The following RBFOX3 variants were observed in gnomAD, a reference collection of about 807,000 sequenced individuals.
RBFOX3 encodes the protein RNA binding protein fox-1 homolog 3.
RBFOX3 carries 17 observed loss-of-function variants against 48.7 expected under a neutral mutation model. The ratio of observed to expected loss-of-function variants is 0.35; its 90% CI spans 0.24 to 0.52. RBFOX3 has a LOEUF of 0.52. Among genes scored for constraint, RBFOX3 ranks in the 20% least tolerant of loss-of-function variants. The probability of loss-of-function intolerance (pLI) is 0.94; values close to 1 mark genes in which losing one functional copy is unlikely to be tolerated. For synonymous variants in RBFOX3, 212 were observed against 209.5 expected (o/e 1.01, Z -0.10); for missense variants, 382 against 497.5 (o/e 0.77, Z 2.21).
chr17:79,342,972 GAA>G (rs1291044780), intron 2 of RBFOX3, among the ~76,000 whole-genome samples: 3 of 148,434 alleles, frequency 2.0e-5, no homozygotes, highest in African/African-American at 4.9e-5. Context: ...AAGAGAAAGA[GAA>G]AGAGCGAGAG....
Position 79,213,450 on chromosome 17 carries a change from C to A in RBFOX3, c.-34+22316G>T, listed in dbSNP as rs149739955. On this transcript the variant is annotated intron_variant, in intron 4 of 14. Coordinates refer to ENST00000693108, the MANE Select transcript of RBFOX3 (RefSeq NM_001350451.2). ...TGCTACCAGGACCTAAATCCAGCAACAGCCAGACGGGGGAGGGTGAGATGA... is the reference window on the plus strand; with the variant it reads ...TGCTACCAGGACCTAAATCCAGCAAAAGCCAGACGGGGGAGGGTGAGATGA... 7.5e-3 allele frequency among the ~76,000 whole-genome samples: 1,149 copies of A among 152,364 alleles called. 18 individuals are homozygous for A. Among genetic ancestry groups the A allele is most frequent in the African/African-American group, 0.026 (1,099 of 41,588 alleles).
intron 1 of RBFOX3, among the ~76,000 whole-genome samples, chr17:79,579,965 A>T (rs1251308427): frequency 6.7e-6 from 1 of 149,606 alleles, no homozygotes; most frequent in Non-Finnish European, 1.5e-5. Flanking sequence ...TTGGGGAGTC[A>T]CTGGGTCGGG....
intron 1 of RBFOX3, among the ~76,000 whole-genome samples, chr17:79,580,974 G>A (rs1407596645): frequency 2.0e-5 from 3 of 152,128 alleles, no homozygotes; most frequent in African/African-American, 7.2e-5. Flanking sequence ...GCGGCCAGGT[G>A]CGGTAGCTCA....
the RBFOX3 span, among the ~76,000 whole-genome samples, chr17:79,642,545 G>C: frequency 2.9e-4 from 44 of 152,132 alleles, no homozygotes; most frequent in Admixed American, 2.8e-3. Flanking sequence ...AAAGCATGCT[G>C]TCATTTTCTT....
chr17:79,145,711 C>A (rs961558079), intron 4 of RBFOX3, among the ~76,000 whole-genome samples: 1 of 152,220 alleles, frequency 6.6e-6, no homozygotes, highest in African/African-American at 2.4e-5. Flanking sequence ...GCAAGGCGTT[C>A]GGCAAAGTGA....
chr17:79,110,487 C>T (rs935991896), intron 5 of RBFOX3, among the ~76,000 whole-genome samples: 5 of 152,190 alleles, frequency 3.3e-5, no homozygotes, highest in Non-Finnish European at 7.3e-5. Flanking sequence ...GTTGTTGGCA[C>T]GGAACCAAGC....
chr17:79,193,669 G>A (rs1363432016), intron 4 of RBFOX3, among the ~76,000 whole-genome samples: 1 of 152,156 alleles, frequency 6.6e-6, no homozygotes, highest in East Asian at 1.9e-4. Flanking sequence ...GCTGCCACTT[G>A]GCTGAGTGTG....
chr17:79,500,004 G>A (rs1426616458), intron 1 of RBFOX3, among the ~76,000 whole-genome samples: 1 of 152,214 alleles, frequency 6.6e-6, no homozygotes, highest in East Asian at 1.9e-4. Context: ...GAATGAGGTG[G>A]AAGAGATGGT....
At chr17:79,090,969 G>C (rs1188578092) in intron 14 of RBFOX3, 84 bp from the exon 15 acceptor site, 19 of 1,428,888 alleles carry the variant, frequency 1.3e-5, no homozygotes, top group Non-Finnish European at 1.7e-5. Flanking sequence ...ACGTGGCACG[G>C]GGCCCCTGGC....
chr17:79,635,499 C>T, the RBFOX3 span, among the ~76,000 whole-genome samples: 5 of 152,184 alleles, frequency 3.3e-5, no homozygotes, highest in East Asian at 3.9e-4. Flanking sequence ...GAGAAAGTCA[C>T]TTTCACCAGA....
At chr17:79,569,332 C>T (rs1017741238) in intron 1 of RBFOX3, among the ~76,000 whole-genome samples, 5 of 152,170 alleles carry the variant, frequency 3.3e-5, no homozygotes, top group African/African-American at 7.2e-5. Flanking sequence ...AATCATGCAA[C>T]GTGTGGCCTT....
intron 1 of RBFOX3, among the ~76,000 whole-genome samples, chr17:79,518,325 T>C (rs1260319392): frequency 6.6e-6 from 1 of 152,198 alleles, no homozygotes; most frequent in Non-Finnish European, 1.5e-5. Flanking sequence ...ACCCACTATA[T>C]ACGATCTATG....
chr17:79,250,188 G>T (rs191894418), intron 3 of RBFOX3, among the ~76,000 whole-genome samples: 3 of 152,278 alleles, frequency 2.0e-5, no homozygotes, highest in African/African-American at 7.2e-5. Context: ...ACTGGATACG[G>T]CCTCAGAAGT....
At chr17:79,427,179 G>A (rs553814993) in intron 2 of RBFOX3, among the ~76,000 whole-genome samples, 1 of 152,164 alleles carries the variant, frequency 6.6e-6, no homozygotes, top group African/African-American at 2.4e-5. Context: ...CGGACGGGGG[G>A]CCCCTGCCCA....
intron 2 of RBFOX3, among the ~76,000 whole-genome samples, chr17:79,321,846 C>T (rs1186255827): frequency 6.6e-6 from 1 of 152,028 alleles, no homozygotes; most frequent in Non-Finnish European, 1.5e-5. Flanking sequence ...GCTGGGACTA[C>T]AGGTGCACGC....
chr17:79,495,713 G>A (rs1466030182), intron 1 of RBFOX3, among the ~76,000 whole-genome samples: 1 of 149,442 alleles, frequency 6.7e-6, no homozygotes. Context: ...GGGGGCACAG[G>A]GGTGCAGATG....
At chr17:79,411,145 G>A (rs1295474091) in intron 2 of RBFOX3, among the ~76,000 whole-genome samples, 8 of 152,142 alleles carry the variant, frequency 5.3e-5, no homozygotes, top group African/African-American at 1.4e-4. Context: ...CTGTGCCGAC[G>A]GAGCCGATGC....
chr17:79,375,370 C>G (rs1038994845), intron 2 of RBFOX3, among the ~76,000 whole-genome samples: 4 of 150,684 alleles, frequency 2.7e-5, no homozygotes, highest in African/African-American at 9.8e-5. Flanking sequence ...CACACACACA[C>G]ACACACACAC....
chr17:79,356,500 C>CT (rs1305255693), intron 2 of RBFOX3, among the ~76,000 whole-genome samples: 1 of 151,478 alleles, frequency 6.6e-6, no homozygotes, highest in African/African-American at 2.4e-5. Flanking sequence ...TCCCAGGTAG[C>CT]TGGGATTACA....
Sources: allele counts gnomAD v4.1 joint callset (sites outside exome capture counted in the v4.1 genomes callset), GRCh38; gene constraint gnomAD v4.1.1; transcripts MANE v1.5; gene names NCBI Gene and HGNC (gene_info 2026-07-23, HGNC 2026-07-21).